Variants in ANKRD31 observed in about 807,000 individuals in gnomAD.
ANKRD31 encodes the protein ankyrin repeat domain 31.
Under a neutral mutation model 186.0 loss-of-function variants are expected in ANKRD31, and 147 were observed. The observed-to-expected ratio is 0.79, with a 90% CI of 0.69 to 0.91. ANKRD31 has a LOEUF of 0.91. ANKRD31 is among the 40% of genes least tolerant of loss of function. The pLI is 0.00. For synonymous variants in ANKRD31, 673 were observed against 736.4 expected, an observed-to-expected ratio of 0.91 and a Z score of 1.39; for missense variants, 1,986 against 2,148.8, an observed-to-expected ratio of 0.92 and a Z score of 1.50.
At chr5:75,236,201 C>T (rs1458310581) in intron 1 of ANKRD31, among the ~76,000 whole-genome samples, 1 of 152,182 alleles carries the variant, frequency 6.6e-6, no homozygotes, top group African/African-American at 2.4e-5. Context: ...AACTGTTACC[C>T]ATTTTCCTAG....
At chr5:75,117,508 C>T (rs1209689500) in intron 18 of ANKRD31, among the ~76,000 whole-genome samples, 1 of 152,106 alleles carries the variant, frequency 6.6e-6, no homozygotes, top group African/African-American at 2.4e-5. Flanking sequence ...TGGAAATCAA[C>T]AGTTGGTAAG....
chr5:75,204,492 GC>G (rs1415299087), intron 5 of ANKRD31, among the ~76,000 whole-genome samples: 1 of 152,156 alleles, frequency 6.6e-6, no homozygotes, highest in Admixed American at 6.5e-5. Context: ...TGTTACAAAA[GC>G]TTTTCTCTTG....
intron 4 of ANKRD31, among the ~76,000 whole-genome samples, chr5:75,206,933 T>C (rs1756291465): frequency 6.6e-6 from 1 of 152,178 alleles, no homozygotes; most frequent in African/African-American, 2.4e-5. Context: ...TTCTTGTATT[T>C]CACAGCAGGC....
At chr5:75,122,082 G>A (rs1748836015) in intron 17 of ANKRD31, among the ~76,000 whole-genome samples, 1 of 151,806 alleles carries the variant, frequency 6.6e-6, no homozygotes, top group African/African-American at 2.4e-5. Flanking sequence ...GACTAACCAA[G>A]AAGAAAGAAT....
intron 2 of ANKRD31, among the ~76,000 whole-genome samples, chr5:75,225,838 G>T (rs1303632982): frequency 6.6e-6 from 1 of 152,174 alleles, no homozygotes; most frequent in African/African-American, 2.4e-5. Context: ...AGCCACAATG[G>T]GTAGAGCACC....
At chr5:75,123,898 C>T (rs905071822) in intron 17 of ANKRD31, among the ~76,000 whole-genome samples, 2 of 151,824 alleles carry the variant, frequency 1.3e-5, no homozygotes, top group African/African-American at 4.8e-5. Context: ...GACCTTGAAA[C>T]CATAAGCAAC....
At chr5:75,190,888 G>A (rs191292399) in intron 9 of ANKRD31, among the ~76,000 whole-genome samples, 1 of 151,798 alleles carries the variant, frequency 6.6e-6, no homozygotes, top group African/African-American at 2.4e-5. Flanking sequence ...GCATACTAAT[G>A]CAATTAAACC....
At position 75,146,751 on chromosome 5, in the gene ANKRD31, TC is replaced by T; in HGVS notation, c.2659del (p.Glu887LysfsTer8). The T allele has an allele frequency of 2.0e-6, 3 of 1,536,348 alleles. No homozygotes were observed. Among genetic ancestry groups the T allele is most frequent in the Non-Finnish European group, 2.6e-6 (3 of 1,146,324 alleles). Reference sequence around the variant, plus strand: ...CTTTACAAAGGATAGGAAAGAATTTTCCCATTTGTTAAATCTCTCATCTTTT... The same window carrying T: ...CTTTACAAAGGATAGGAAAGAATTTTCCATTTGTTAAATCTCTCATCTTTT... ...VPKDERFNKW[E>X]NSFLSFVKEN... is the part of the protein sequence containing the mutation. On this transcript the variant is annotated frameshift_variant, in exon 14 of 26. Transcript: ENST00000506364. LOFTEE classifies it high-confidence loss of function.
intron 10 of ANKRD31, among the ~76,000 whole-genome samples, chr5:75,175,511 C>A (rs1753716797): frequency 6.6e-6 from 1 of 152,036 alleles, no homozygotes; most frequent in African/African-American, 2.4e-5. Context: ...AATATCAGAA[C>A]AGTAGTGGCA....
rs1747162035 is a variant in ANKRD31 at position 75,104,429 on chromosome 5, T to C, written c.5130A>G (p.Pro1710=). The change falls in exon 22 of 26, where the codon CCA becomes CCG. Residue 1710 remains proline, a synonymous_variant. Transcript: ENST00000506364. ...LGSDTVHQMK[P]YLKKSVSVVP... ...CAACAGAAACTGATTTTTTAAGATA[T>C]GGTTTCATCTGATGCACTGTATCAC... The C allele has an allele frequency of 2.0e-6, 3 of 1,537,250 alleles. No individual in the cohort carries two copies. The highest frequency in any genetic ancestry group is 2.6e-6 in the Non-Finnish European group (3 of 1,146,914).
intron 25 of ANKRD31, among the ~76,000 whole-genome samples, chr5:75,068,917 G>A (rs1242924922): frequency 7.0e-6 from 1 of 143,540 alleles, no homozygotes; most frequent in Admixed American, 7.0e-5. Context: ...GGAAGCTTCT[G>A]AAGGTAGTGG....
chr5:75,147,879 G>T (rs888266077), intron 13 of ANKRD31, among the ~76,000 whole-genome samples: 2 of 151,670 alleles, frequency 1.3e-5, no homozygotes, highest in African/African-American at 2.4e-5. Flanking sequence ...CTCTGTGTTG[G>T]TGTACATCTT....
chr5:75,100,976 C>T (rs1464425793), intron 22 of ANKRD31, among the ~76,000 whole-genome samples: 1 of 152,098 alleles, frequency 6.6e-6, no homozygotes, highest in Non-Finnish European at 1.5e-5. Context: ...ATGATGTTAG[C>T]TGGTTATTTT....
intron 25 of ANKRD31, among the ~76,000 whole-genome samples, chr5:75,077,875 T>C (rs2150007426): frequency 7.4e-6 from 1 of 134,366 alleles, no homozygotes; most frequent in South Asian, 2.2e-4. Context: ...GAGGTTGCAG[T>C]GAGCCGAGAT....
At chr5:75,193,758 A>C (rs924627976) in intron 7 of ANKRD31, among the ~76,000 whole-genome samples, 167 bp from the exon 8 acceptor site, 8 of 152,186 alleles carry the variant, frequency 5.3e-5, no homozygotes, top group Non-Finnish European at 7.4e-5. Context: ...ATTTAATAAT[A>C]ATTAATGTAA....
intron 11 of ANKRD31, among the ~76,000 whole-genome samples, chr5:75,157,762 A>G (rs1752285566): frequency 6.6e-6 from 1 of 152,214 alleles, no homozygotes; most frequent in African/African-American, 2.4e-5. Context: ...GACACACGGT[A>G]AACTCACAAG....
At chr5:75,072,490 C>T (rs1580265767) in intron 25 of ANKRD31, among the ~76,000 whole-genome samples, 2 of 152,158 alleles carry the variant, frequency 1.3e-5, no homozygotes, top group Admixed American at 6.5e-5. Flanking sequence ...AGTAGAAAGA[C>T]TTGGTGACTC....
intron 10 of ANKRD31, among the ~76,000 whole-genome samples, chr5:75,172,324 T>C (rs1381717122): frequency 6.6e-6 from 1 of 150,948 alleles, no homozygotes; most frequent in Non-Finnish European, 1.5e-5. Context: ...TATCAATAGA[T>C]GTATGAAAAG....
intron 17 of ANKRD31, among the ~76,000 whole-genome samples, chr5:75,124,753 G>A (rs960364502): frequency 2.0e-5 from 3 of 151,772 alleles, no homozygotes; most frequent in Admixed American, 6.6e-5. Context: ...TCACTTATAA[G>A]TAAGAGCCAA....
Sources: gnomAD v4.1 joint callset for allele counts (sites outside exome capture counted in the v4.1 genomes callset) on GRCh38, gnomAD v4.1.1 for gene constraint, MANE v1.5 for transcripts, NCBI Gene and HGNC (gene_info 2026-07-23, HGNC 2026-07-21) for gene names.